CAMK2B: variants seen among roughly 807,000 people sequenced by gnomAD.
CAMK2B encodes calcium/calmodulin-dependent protein kinase type II subunit beta.
In CAMK2B, 27 loss-of-function variants were observed where a neutral mutation model predicts 93.7. The ratio of observed to expected loss-of-function variants is 0.29; its 90% CI spans 0.21 to 0.40. The LOEUF (loss-of-function observed/expected upper bound fraction) is 0.40. Among genes scored for constraint, CAMK2B ranks in the 10% least tolerant of loss-of-function variants. The probability of loss-of-function intolerance (pLI) is 1.00; values close to 1 mark genes in which losing one functional copy is unlikely to be tolerated. For missense variants in CAMK2B, 568 were observed against 895.8 expected (o/e 0.63, Z 4.67); for synonymous variants, 374 against 358.8 (o/e 1.04, Z -0.48).
chr7:44,240,412 G>GACACAC (rs1356696318), intron 12 of CAMK2B, among the ~76,000 whole-genome samples: 1 of 152,180 alleles, frequency 6.6e-6, no homozygotes, highest in Non-Finnish European at 1.5e-5. Context: ...CGCCTGGACA[G>GACACAC]ACACACACGA....
chr7:44,262,960 G>A (rs2096892380), intron 3 of CAMK2B, 45 bp downstream of exon 3: 3 of 1,542,120 alleles, frequency 1.9e-6, no homozygotes, highest in Non-Finnish European at 2.7e-6. Context: ...TGCTGTCCGG[G>A]AGAAGGTGGG....
intron 1 of CAMK2B, among the ~76,000 whole-genome samples, chr7:44,318,436 G>A (rs1275676572): frequency 6.6e-6 from 1 of 152,248 alleles, no homozygotes; most frequent in African/African-American, 2.4e-5. Context: ...AGGCCTGAGT[G>A]ACCCAGACCA....
At chr7:44,306,002 G>T (rs554738917) in intron 1 of CAMK2B, among the ~76,000 whole-genome samples, 2 of 152,282 alleles carry the variant, frequency 1.3e-5, no homozygotes, top group South Asian at 4.2e-4. Flanking sequence ...GGGACTGCAA[G>T]GGGGGATGAT....
chr7:44,244,576 A>T (rs2096712680), intron 6 of CAMK2B, among the ~76,000 whole-genome samples: 1 of 151,826 alleles, frequency 6.6e-6, no homozygotes, highest in Non-Finnish European at 1.5e-5. Context: ...CTTCCATCTG[A>T]TGCACTACCC....
intron 1 of CAMK2B, among the ~76,000 whole-genome samples, chr7:44,288,277 G>A (rs923924852): frequency 1.3e-5 from 2 of 152,362 alleles, no homozygotes; most frequent in African/African-American, 4.8e-5. Flanking sequence ...AAGCACGGGC[G>A]GGCCTAGCAG....
intron 2 of CAMK2B, among the ~76,000 whole-genome samples, chr7:44,264,446 G>A (rs528553102): frequency 6.6e-6 from 1 of 152,206 alleles, no homozygotes; most frequent in South Asian, 2.1e-4. Context: ...CTCTGGGAGC[G>A]GCATCCCCTG....
intron 1 of CAMK2B, among the ~76,000 whole-genome samples, chr7:44,300,441 TGG>T (rs1789662687): frequency 6.6e-6 from 1 of 151,306 alleles, no homozygotes; most frequent in South Asian, 2.1e-4. Flanking sequence ...TGATTACATG[TGG>T]GAGCCACTGC....
At chr7:44,289,592 C>T (rs1049857080) in intron 1 of CAMK2B, among the ~76,000 whole-genome samples, 1 of 152,188 alleles carries the variant, frequency 6.6e-6, no homozygotes, top group Non-Finnish European at 1.5e-5. Flanking sequence ...TCCCCAGCCA[C>T]CTCACAAGGG....
chr7:44,231,847 G>A (rs962683763), intron 16 of CAMK2B, among the ~76,000 whole-genome samples: 4 of 152,216 alleles, frequency 2.6e-5, no homozygotes, highest in African/African-American at 9.6e-5. Flanking sequence ...CTGCTCCTCA[G>A]AGGAAACATC....
chr7:44,310,040 C>G (rs1793101464), intron 1 of CAMK2B, among the ~76,000 whole-genome samples: 2 of 152,256 alleles, frequency 1.3e-5, no homozygotes, highest in African/African-American at 4.8e-5. Flanking sequence ...GCTCACCAAG[C>G]CACGCGCGGA....
Position 44,325,535 on chromosome 7 carries a change from T to C in CAMK2B, c.-114A>G. ...GCGCGGGCGCGGGAGACACCTCGGC[T>C]CGCGGCGCCAGGCGGGGGCCGGGCT... On this transcript the variant is annotated 5_prime_UTR_variant, in exon 1 of 24. Transcript: ENST00000395749. 1 of 510,030 alleles carries C rather than the reference T, an allele frequency of 2.0e-6. No individual in the cohort carries two copies. The highest frequency in any genetic ancestry group is 2.5e-6 in the Non-Finnish European group (1 of 399,164). 31.6% of individuals were successfully genotyped at this position (510,030 alleles called of 1,614,324 possible).
intron 12 of CAMK2B, 139 bp downstream of exon 12, chr7:44,240,568 G>A (rs2096668743): frequency 1.1e-6 from 1 of 936,850 alleles, no homozygotes; most frequent in Admixed American, 2.1e-5. Flanking sequence ...TGGGCAGTGG[G>A]TCTCAGAGCT....
At chr7:44,237,890 G>A (rs2096641008) in intron 13 of CAMK2B, among the ~76,000 whole-genome samples, 1 of 152,172 alleles carries the variant, frequency 6.6e-6, no homozygotes. Flanking sequence ...CGGGGCAACT[G>A]CTGCCACCCT....
intron 20 of CAMK2B, among the ~76,000 whole-genome samples, chr7:44,226,244 G>A (rs1449523707): frequency 6.6e-6 from 1 of 150,866 alleles, no homozygotes; most frequent in African/African-American, 2.4e-5. Flanking sequence ...TGGACCTCAG[G>A]GTTGCGAATG....
chr7:44,277,826 G>A (rs1018919815), intron 2 of CAMK2B, among the ~76,000 whole-genome samples: 3 of 151,938 alleles, frequency 2.0e-5, no homozygotes, highest in Admixed American at 2.0e-4. Context: ...AATAGCAGGG[G>A]GGAAGGCCAT....
At chr7:44,253,859 A>T (rs527811774) in intron 5 of CAMK2B, among the ~76,000 whole-genome samples, 1 of 150,096 alleles carries the variant, frequency 6.7e-6, no homozygotes, top group Non-Finnish European at 1.5e-5. Context: ...TGGCCTCCCA[A>T]AATGTTAGGA....
chr7:44,264,529 C>A (rs114327212), intron 2 of CAMK2B, among the ~76,000 whole-genome samples: 1 of 152,202 alleles, frequency 6.6e-6, no homozygotes, highest in African/African-American at 2.4e-5. Flanking sequence ...CAAGCCCAGC[C>A]GCCTGGCATC....
In CAMK2B at chr7:44,226,521, G is replaced by A. The variant is rs780422852; in HGVS notation, c.1592C>T (p.Thr531Ile). ...CCACTCAAGGTGCTACTTACATGGG[G>A]TGGGCAGGGGGCCAGGGATAGTCGG... ...PSPTIPGPLPTPSRKQEIIKT... is the reference protein window; with the variant it reads ...PSPTIPGPLPIPSRKQEIIKT... Residue 531 changes from threonine to isoleucine, a missense_variant, in exon 20 of 24, where the codon ACC becomes ATC. Physicochemically the swap from Thr to Ile is moderately conservative, Grantham distance 89 (BLOSUM62 -1). Transcript: ENST00000395749. 12 of 1,443,770 alleles carry A rather than the reference G, an allele frequency of 8.3e-6. No homozygotes were observed. The highest frequency in any genetic ancestry group is 1.1e-5 in the Non-Finnish European group (12 of 1,099,482). 89.4% of individuals were successfully genotyped at this position (1,443,770 alleles called of 1,614,324 possible).
At chr7:44,258,845 G>T in intron 4 of CAMK2B, 27 bp downstream of exon 4, 1 of 1,609,770 alleles carries the variant, frequency 6.2e-7, no homozygotes, top group Non-Finnish European at 8.5e-7. Context: ...AGTGAGTGCA[G>T]CGAGAGTCCC....
Sources: allele counts gnomAD v4.1 joint callset (sites outside exome capture counted in the v4.1 genomes callset), GRCh38; gene constraint gnomAD v4.1.1; transcripts MANE v1.5; gene names NCBI Gene and HGNC (gene_info 2026-07-23, HGNC 2026-07-21).